The following GPR158 variants were observed in gnomAD, a reference collection of about 807,000 sequenced individuals.
GPR158 encodes the protein metabotropic glycine receptor.
GPR158 carries 30 observed loss-of-function variants against 78.2 expected under a neutral mutation model. The observed-to-expected ratio is 0.38, with a 90% confidence interval of 0.29 to 0.52. The LOEUF is 0.52. Ranked by LOEUF, GPR158 falls within the 20% of genes least tolerant of loss-of-function variation. The pLI, the probability that GPR158 is intolerant of heterozygous loss-of-function variation, is 0.83. For missense variants in GPR158, 1,463 were observed against 1,523.5 expected (o/e 0.96, Z 0.66); for synonymous variants, 581 against 591.1 (o/e 0.98, Z 0.25).
intron 2 of GPR158, among the ~76,000 whole-genome samples, chr10:25,345,459 TGTA>T (rs1033051633): frequency 3.9e-5 from 6 of 152,138 alleles, no homozygotes; most frequent in African/African-American, 1.4e-4. Context: ...AATGTTATAA[TGTA>T]GTCATTTGTA....
intron 2 of GPR158, among the ~76,000 whole-genome samples, chr10:25,317,673 G>A (rs1854875416): frequency 6.6e-6 from 1 of 150,390 alleles, no homozygotes; most frequent in Admixed American, 6.6e-5. Context: ...GTTTAAATCA[G>A]CTGAATTGTT....
At chr10:25,302,235 C>T (rs1854608183) in intron 2 of GPR158, among the ~76,000 whole-genome samples, 1 of 98,208 alleles carries the variant, frequency 1.0e-5, no homozygotes. Flanking sequence ...CCATGCCTGG[C>T]TAATTTTTTT....
intron 2 of GPR158, among the ~76,000 whole-genome samples, chr10:25,337,838 C>G (rs965503192): frequency 6.6e-6 from 1 of 152,006 alleles, no homozygotes; most frequent in Non-Finnish European, 1.5e-5. Flanking sequence ...TGATGTGCAG[C>G]ACTATCTCAT....
intron 3 of GPR158, 60 bp downstream of exon 3, chr10:25,396,073 G>C: frequency 2.8e-6 from 2 of 718,136 alleles, no homozygotes; most frequent in East Asian, 5.8e-5. Flanking sequence ...CTATTATTAC[G>C]AAGATTTTCT....
At chr10:25,581,482 T>C (rs991550873) in intron 7 of GPR158, among the ~76,000 whole-genome samples, 1 of 152,236 alleles carries the variant, frequency 6.6e-6, no homozygotes. Context: ...GTCTTCAGAA[T>C]GATGGAACTG....
chr10:25,300,486 C>T (rs1437279409), intron 2 of GPR158, among the ~76,000 whole-genome samples: 2 of 152,118 alleles, frequency 1.3e-5, no homozygotes, highest in African/African-American at 4.8e-5. Flanking sequence ...TAATTCTTTG[C>T]CATGTAAAGT....
At chr10:25,533,462 G>A (rs906074844) in intron 5 of GPR158, among the ~76,000 whole-genome samples, 7 of 152,080 alleles carry the variant, frequency 4.6e-5, no homozygotes, top group Admixed American at 4.6e-4. Context: ...ACTGGTTCCT[G>A]GCTTCCACTC....
intron 7 of GPR158, among the ~76,000 whole-genome samples, chr10:25,586,098 G>A (rs766940936): frequency 1.3e-5 from 2 of 152,150 alleles, no homozygotes; most frequent in Non-Finnish European, 2.9e-5. Context: ...ATATTATGAA[G>A]TCATATTGTA....
At chr10:25,356,088 T>C (rs972734731) in intron 2 of GPR158, among the ~76,000 whole-genome samples, 7 of 152,084 alleles carry the variant, frequency 4.6e-5, no homozygotes, top group African/African-American at 1.7e-4. Context: ...AAGCTGATTG[T>C]CTACCTCAAT....
intron 2 of GPR158, among the ~76,000 whole-genome samples, chr10:25,337,521 A>G (rs1003244557): frequency 1.3e-5 from 2 of 152,066 alleles, no homozygotes; most frequent in Admixed American, 1.3e-4. Context: ...TTTTGTATGA[A>G]TATTCCACAG....
At chr10:25,416,779 A>G (rs1834667232) in intron 4 of GPR158, among the ~76,000 whole-genome samples, 2 of 152,348 alleles carry the variant, frequency 1.3e-5, no homozygotes, top group South Asian at 4.1e-4. Flanking sequence ...CAAAGGTAAC[A>G]CAGCCAGGTT....
chr10:25,426,519 A>C (rs534129146), intron 4 of GPR158, among the ~76,000 whole-genome samples: 1 of 152,150 alleles, frequency 6.6e-6, no homozygotes, highest in African/African-American at 2.4e-5. Context: ...TATGGTTATT[A>C]ATTGACCTAA....
chr10:25,438,072 A>G (rs1172073172), intron 4 of GPR158, among the ~76,000 whole-genome samples: 1 of 152,214 alleles, frequency 6.6e-6, no homozygotes, highest in African/African-American at 2.4e-5. Flanking sequence ...ATCTGTGACT[A>G]CAGCAACAGT....
At chr10:25,404,977 T>C (rs1257248615) in intron 3 of GPR158, among the ~76,000 whole-genome samples, 2 of 152,092 alleles carry the variant, frequency 1.3e-5, no homozygotes, top group Non-Finnish European at 2.9e-5. Flanking sequence ...TGTCTGCAAT[T>C]CATATGTTCC....
intron 4 of GPR158, among the ~76,000 whole-genome samples, chr10:25,441,289 A>C (rs1390560922): frequency 6.6e-6 from 1 of 152,150 alleles, no homozygotes; most frequent in African/African-American, 2.4e-5. Context: ...TCTATACCCA[A>C]ATTCAGTTAG....
At chr10:25,390,209 G>C (rs926152597) in intron 2 of GPR158, among the ~76,000 whole-genome samples, 1 of 152,086 alleles carries the variant, frequency 6.6e-6, no homozygotes, top group Non-Finnish European at 1.5e-5. Context: ...ACAGTAAATT[G>C]GTACCGGTAG....
At chr10:25,299,866 A>T (rs553079906) in intron 2 of GPR158, among the ~76,000 whole-genome samples, 22 of 152,170 alleles carry the variant, frequency 1.4e-4, no homozygotes, top group Non-Finnish European at 2.6e-4. Context: ...TCATTATGTC[A>T]TCCAGGCTGG....
intron 2 of GPR158, among the ~76,000 whole-genome samples, chr10:25,383,072 C>T (rs1165456071): frequency 2.0e-5 from 3 of 152,074 alleles, no homozygotes; most frequent in East Asian, 1.9e-4. Context: ...CCTGACCTGA[C>T]GATCCACCTG....
At chr10:25,538,353 A>G (rs994587236) in intron 5 of GPR158, among the ~76,000 whole-genome samples, 4 of 152,170 alleles carry the variant, frequency 2.6e-5, no homozygotes, top group African/African-American at 9.7e-5. Context: ...GCTTTTATGC[A>G]TAGCTCCTTA....
Sources: allele counts gnomAD v4.1 joint callset (sites outside exome capture counted in the v4.1 genomes callset), GRCh38; gene constraint gnomAD v4.1.1; transcripts MANE v1.5; gene names NCBI Gene and HGNC (gene_info 2026-07-23, HGNC 2026-07-21).